FGF12: variants seen among roughly 807,000 people sequenced by gnomAD.
FGF12 encodes the protein fibroblast growth factor 12B.
In FGF12, 14 loss-of-function variants were observed where a neutral mutation model predicts 23.6. That is an observed-to-expected ratio of 0.59 (90% CI 0.39 to 0.93). The LOEUF (loss-of-function observed/expected upper bound fraction) is 0.93. FGF12 is among the 40% of genes least tolerant of loss of function. FGF12 has a pLI of 0.00. For missense variants in FGF12, 175 were observed against 217.8 expected (o/e 0.80, Z 1.24); for synonymous variants, 62 against 77.3 (o/e 0.80, Z 1.04).
intron 2 of FGF12, among the ~76,000 whole-genome samples, chr3:192,449,743 G>T (rs1722465974): frequency 6.6e-6 from 1 of 152,140 alleles, no homozygotes; most frequent in Admixed American, 6.5e-5. Flanking sequence ...CCAGAAGGCA[G>T]GTTTCCAGCA....
intron 2 of FGF12, among the ~76,000 whole-genome samples, chr3:192,378,048 T>TCTCTC (rs1560091712): frequency 1.6e-4 from 16 of 101,286 alleles, no homozygotes; most frequent in African/African-American, 5.4e-4. Flanking sequence ...CTTTCTTTCT[T>TCTCTC]TCTTTCTTTC....
rs547478621 is a variant in FGF12, at chr3:192,213,279, T to C, written c.229-42623A>G. Among the ~76,000 whole-genome samples, 35 of 152,164 alleles carry C rather than the reference T, an allele frequency of 2.3e-4. 1 individual carries two copies. The highest frequency in any genetic ancestry group is 3.4e-3 in the Middle Eastern group (1 of 294). The stretch of plus-strand genomic sequence containing the variant: ...AAAGCGTCTCCAATTCTTTTTTTTT[T>C]CCCTTTTTTTTGGAAGCTGCTTTTG... On this transcript the variant is annotated intron_variant, in intron 4 of 5. Transcript: ENST00000445105.
intron 4 of FGF12, among the ~76,000 whole-genome samples, chr3:192,294,757 C>A (rs960034406): frequency 1.3e-5 from 2 of 152,120 alleles, no homozygotes; most frequent in Admixed American, 1.3e-4. Context: ...AGATAAGCAA[C>A]AGCAATCTTC....
intron 2 of FGF12, among the ~76,000 whole-genome samples, chr3:192,694,103 A>T (rs945803766): frequency 6.6e-6 from 1 of 152,156 alleles, no homozygotes; most frequent in Non-Finnish European, 1.5e-5. Context: ...CTGAATAGAC[A>T]TTTCTCCAAG....
rs1321988379 is a variant in FGF12, at chr3:192,727,523, GTGGTGC to G, written c.-176_-171del. ...TGCAGGCAGGAGCTGTCCTCCGAGCGTGGTGCTGCAGGTGTAGTGACAGATCATCCC... is the reference window on the plus strand; with the variant it reads ...TGCAGGCAGGAGCTGTCCTCCGAGCGTGCAGGTGTAGTGACAGATCATCCC... On this transcript the variant is annotated 5_prime_UTR_variant, in exon 1 of 6. Transcript: ENST00000445105. 5 of 513,882 alleles carry G rather than the reference GTGGTGC, an allele frequency of 9.7e-6. No homozygotes were observed. The African/African-American group carries it at 9.8e-5, about 10-fold the overall frequency. The allele number at this position is 513,882 out of a possible 1,614,324, so 31.8% of individuals were successfully genotyped here.
At position 192,377,941 on chromosome 3, in the gene FGF12, T is replaced by C. The variant is rs6768167; in HGVS notation, c.14-17403A>G. 3.7e-3 allele frequency among the ~76,000 whole-genome samples: 567 copies of C among 152,040 alleles called. 8 individuals are homozygous for C. The highest frequency in any genetic ancestry group is 0.013 in the African/African-American group (535 of 41,380). On this transcript the variant is annotated intron_variant, in intron 2 of 5. Coordinates refer to ENST00000445105, the MANE Select transcript of FGF12 (RefSeq NM_004113.6). ...ATTACCACTCCTTACAAGAGAAAAA[T>C]AGAACCCTAGTGCAGGAAAAAATGT...
chr3:192,668,004 T>C (rs930117376), intron 2 of FGF12, among the ~76,000 whole-genome samples: 3 of 152,176 alleles, frequency 2.0e-5, no homozygotes, highest in African/African-American at 7.2e-5. Flanking sequence ...TGGTTAGCTA[T>C]AAAGATGTTC....
In FGF12 at chr3:192,389,776, T is replaced by A. The variant is rs7619455; in HGVS notation, c.14-29238A>T. Among the ~76,000 whole-genome samples, 1,157 of 152,332 alleles carry A rather than the reference T, an allele frequency of 7.6e-3. 10 individuals carry two copies. Among genetic ancestry groups the A allele is most frequent in the African/African-American group, 0.026 (1,095 of 41,574 alleles). ...CAATATAAACTACAGTTAGACTAGATGATGGCACAAAAAGTCAATTCGAGG... is the reference window on the plus strand; with the variant it reads ...CAATATAAACTACAGTTAGACTAGAAGATGGCACAAAAAGTCAATTCGAGG... On this transcript the variant is annotated intron_variant, in intron 2 of 5. Transcript: ENST00000445105.
chr3:192,624,800 C>A (rs190807556), intron 2 of FGF12, among the ~76,000 whole-genome samples: 257 of 151,996 alleles, frequency 1.7e-3, no homozygotes, highest in Non-Finnish European at 1.3e-3. Context: ...GTTTAAAAAC[C>A]GAAAGTGTAA....
intron 4 of FGF12, among the ~76,000 whole-genome samples, chr3:192,301,019 C>T (rs567696250): frequency 1.2e-3 from 180 of 152,066 alleles, no homozygotes; most frequent in African/African-American, 4.2e-3. Flanking sequence ...AGAAAATTCC[C>T]GAAAGATTGT....
At chr3:192,213,670 T>C (rs987840388) in intron 4 of FGF12, among the ~76,000 whole-genome samples, 4 of 152,192 alleles carry the variant, frequency 2.6e-5, no homozygotes, top group African/African-American at 9.6e-5. Flanking sequence ...TTACAGTTTC[T>C]ATCACTATAG....
intron 2 of FGF12, among the ~76,000 whole-genome samples, chr3:192,558,875 G>A (rs73887633): frequency 6.6e-6 from 1 of 151,886 alleles, no homozygotes; most frequent in Non-Finnish European, 1.5e-5. Flanking sequence ...TTAACAAATA[G>A]TGTTGGGAAA....
chr3:192,195,824 G>A (rs1026612073), intron 4 of FGF12, among the ~76,000 whole-genome samples: 4 of 152,062 alleles, frequency 2.6e-5, no homozygotes, highest in African/African-American at 9.7e-5. Flanking sequence ...ATATACCTAA[G>A]TAACAAATGT....
chr3:192,163,882 A>G (rs1374123588), intron 5 of FGF12, among the ~76,000 whole-genome samples: 25 of 148,908 alleles, frequency 1.7e-4, no homozygotes, highest in Admixed American at 1.2e-3. Flanking sequence ...TACCAAATAA[A>G]TTGGGAGAAA....
chr3:192,268,048 G>T (rs940390233), intron 4 of FGF12, among the ~76,000 whole-genome samples: 6 of 152,046 alleles, frequency 3.9e-5, no homozygotes, highest in Non-Finnish European at 8.8e-5. Flanking sequence ...TAAAGATAAA[G>T]CTTTTATTTT....
At chr3:192,208,404 T>A (rs924509380) in intron 4 of FGF12, among the ~76,000 whole-genome samples, 1 of 152,168 alleles carries the variant, frequency 6.6e-6, no homozygotes, top group East Asian at 1.9e-4. Flanking sequence ...AATAAGAACC[T>A]CTATTGTCTT....
At chr3:192,582,690 G>A (rs202102826) in intron 2 of FGF12, among the ~76,000 whole-genome samples, 76 of 147,802 alleles carry the variant, frequency 5.1e-4, no homozygotes, top group East Asian at 1.2e-3. Flanking sequence ...GTAAAAAAAA[G>A]AAAAAAAAAA....
At chr3:192,324,933 G>T (rs1301959700) in intron 4 of FGF12, among the ~76,000 whole-genome samples, 1 of 151,952 alleles carries the variant, frequency 6.6e-6, no homozygotes, top group Admixed American at 6.6e-5. Context: ...TCCAATTAAG[G>T]TTAGCCCTGG....
intron 2 of FGF12, among the ~76,000 whole-genome samples, chr3:192,361,309 A>G (rs1202120518): frequency 6.6e-6 from 1 of 152,164 alleles, no homozygotes; most frequent in African/African-American, 2.4e-5. Flanking sequence ...ATTTTTGTGC[A>G]TCAGCTAATA....
Sources: gnomAD v4.1 joint callset for allele counts (sites outside exome capture counted in the v4.1 genomes callset) on GRCh38, gnomAD v4.1.1 for gene constraint, MANE v1.5 for transcripts, NCBI Gene and HGNC (gene_info 2026-07-23, HGNC 2026-07-21) for gene names.